The following EPSTI1 variants were observed in gnomAD, a reference collection of about 807,000 sequenced individuals.
EPSTI1 encodes the protein epithelial-stromal interaction protein 1.
EPSTI1 carries 66 observed loss-of-function variants against 49.9 expected under a neutral mutation model. The ratio of observed to expected loss-of-function variants is 1.32; its 90% confidence interval spans 1.08 to 1.62. The LOEUF is 1.62. Among genes scored for constraint, EPSTI1 ranks in the 40% most tolerant of loss-of-function variants. The pLI is 0.00. For missense variants in EPSTI1, 394 were observed against 365.5 expected, an observed-to-expected ratio of 1.08 and a Z score of -0.64; for synonymous variants, 137 against 130.7, an observed-to-expected ratio of 1.05 and a Z score of -0.33.
chr13:42,935,738 C>T (rs2153424189), intron 6 of EPSTI1, among the ~76,000 whole-genome samples: 1 of 152,152 alleles, frequency 6.6e-6, no homozygotes, highest in Non-Finnish European at 1.5e-5. Flanking sequence ...ATTACAGGCA[C>T]CTGCCATCAT....
At chr13:42,936,552 G>A (rs1343710548) in intron 6 of EPSTI1, among the ~76,000 whole-genome samples, 4 of 152,058 alleles carry the variant, frequency 2.6e-5, no homozygotes, top group South Asian at 2.1e-4. Context: ...TAATTTGCCC[G>A]ACTTCTCGGA....
chr13:42,888,556 C>A (rs1041843841), intron 10 of EPSTI1, 54 bp from the exon 11 acceptor site: 42 of 1,541,948 alleles, frequency 2.7e-5, no homozygotes, highest in Admixed American at 8.4e-5. Flanking sequence ...AAATTCAAAG[C>A]CTTTGTAGTC....
At chr13:42,909,776 G>A (rs1034606732) in intron 8 of EPSTI1, among the ~76,000 whole-genome samples, 1 of 152,136 alleles carries the variant, frequency 6.6e-6, no homozygotes, top group Non-Finnish European at 1.5e-5. Flanking sequence ...GGCTGGGGGG[G>A]TTAGGAGGAA....
chr13:42,944,104 A>T (rs2038847322), intron 6 of EPSTI1, among the ~76,000 whole-genome samples: 1 of 152,252 alleles, frequency 6.6e-6, no homozygotes, highest in African/African-American at 2.4e-5. Flanking sequence ...TGTGGAAGAC[A>T]GTGTGGCAAT....
intron 6 of EPSTI1, among the ~76,000 whole-genome samples, chr13:42,928,195 C>T (rs951199090): frequency 4.6e-5 from 7 of 152,208 alleles, no homozygotes; most frequent in African/African-American, 1.7e-4. Context: ...ATGCGGATTA[C>T]TGCCAAGTGA....
rs2038044978 is a variant in EPSTI1 at position 42,922,653 on chromosome 13, G to C, written c.657+3683C>G. On this transcript the variant is annotated intron_variant, in intron 7 of 10. Coordinates refer to ENST00000313624, the MANE Select transcript of EPSTI1 (RefSeq NM_033255.5). The surrounding 1 kb of genome is among the most constrained non-coding windows in gnomAD (Gnocchi z 4.8). ...TGGTAATTTGTTACAGCAGCAAAGG[G>C]AAGTGTTCAAATGTTGCGGTGGAAG... Among the ~76,000 whole-genome samples the C allele has an allele frequency of 6.6e-6, 1 of 152,198 alleles. No individual in the cohort carries two copies. Among genetic ancestry groups the C allele is most frequent in the African/African-American group, 2.4e-5 (1 of 41,452 alleles).
intron 1 of EPSTI1, among the ~76,000 whole-genome samples, chr13:42,977,920 G>C (rs1433119906): frequency 6.6e-6 from 1 of 152,192 alleles, no homozygotes; most frequent in East Asian, 1.9e-4. Context: ...GGAGGCCGTG[G>C]CAGGCAGATC....
intron 8 of EPSTI1, among the ~76,000 whole-genome samples, chr13:42,909,135 A>G (rs953767773): frequency 2.6e-5 from 4 of 152,160 alleles, no homozygotes; most frequent in African/African-American, 9.6e-5. Flanking sequence ...AGGCCTGTGT[A>G]GCTATTTCTT....
chr13:42,897,533 C>T (rs577048390), intron 9 of EPSTI1, among the ~76,000 whole-genome samples: 67 of 152,192 alleles, frequency 4.4e-4, no homozygotes, highest in Non-Finnish European at 8.5e-4. Flanking sequence ...TCCTGGCACA[C>T]GTTCTTCACC....
intron 6 of EPSTI1, among the ~76,000 whole-genome samples, chr13:42,935,988 T>A (rs2038549885): frequency 6.6e-6 from 1 of 152,188 alleles, no homozygotes; most frequent in Non-Finnish European, 1.5e-5. Flanking sequence ...AAGTCTTTCA[T>A]CTTCTCAACA....
At chr13:42,917,077 A>G (rs2037850002) in intron 8 of EPSTI1, among the ~76,000 whole-genome samples, 1 of 152,200 alleles carries the variant, frequency 6.6e-6, no homozygotes, top group African/African-American at 2.4e-5. Context: ...TTTTATACCC[A>G]TGTAGTGTAA....
intron 8 of EPSTI1, among the ~76,000 whole-genome samples, chr13:42,914,797 G>A (rs932490251): frequency 1.3e-5 from 2 of 152,158 alleles, no homozygotes; most frequent in African/African-American, 2.4e-5. Flanking sequence ...ATGACCTACT[G>A]TCACCAACTG....
intron 6 of EPSTI1, among the ~76,000 whole-genome samples, chr13:42,941,106 T>C (rs2038738079): frequency 6.6e-6 from 1 of 152,200 alleles, no homozygotes; most frequent in South Asian, 2.1e-4. Flanking sequence ...GCTTCTGAGA[T>C]TTGTATATTG....
chr13:42,904,212 A>G (rs2037436498), intron 8 of EPSTI1, among the ~76,000 whole-genome samples: 1 of 152,206 alleles, frequency 6.6e-6, no homozygotes, highest in Non-Finnish European at 1.5e-5. Flanking sequence ...TTAGGCTGAG[A>G]CTCAGGAAAT....
intron 1 of EPSTI1, 31 bp downstream of exon 1, chr13:42,991,947 C>T (rs148258555): frequency 1.9e-6 from 3 of 1,611,834 alleles, no homozygotes; most frequent in East Asian, 2.2e-5. Flanking sequence ...CCCGGGCTCC[C>T]GCCCCGAAGC....
chr13:42,983,304 G>C (rs2040018444), intron 1 of EPSTI1, among the ~76,000 whole-genome samples: 1 of 152,126 alleles, frequency 6.6e-6, no homozygotes, highest in African/African-American at 2.4e-5. Flanking sequence ...AGTGGCTCAT[G>C]CCTGTAATCT....
intron 1 of EPSTI1, among the ~76,000 whole-genome samples, chr13:42,984,913 T>C (rs2040051168): frequency 6.6e-6 from 1 of 152,292 alleles, no homozygotes; most frequent in Non-Finnish European, 1.5e-5. Flanking sequence ...ATAGACAGCA[T>C]GCCAACAACA....
At chr13:42,924,904 G>A (rs1248093501) in intron 7 of EPSTI1, among the ~76,000 whole-genome samples, 2 of 152,150 alleles carry the variant, frequency 1.3e-5, no homozygotes, top group Non-Finnish European at 2.9e-5. Flanking sequence ...TGAGAAAGGG[G>A]TAAGGGGAGA....
At chr13:42,912,356 C>G (rs1205536982) in intron 8 of EPSTI1, among the ~76,000 whole-genome samples, 4 of 152,136 alleles carry the variant, frequency 2.6e-5, no homozygotes, top group Admixed American at 2.0e-4. Flanking sequence ...ACATAGTAGG[C>G]AGCACTATCA....
Sources: gnomAD v4.1 joint callset for allele counts (sites outside exome capture counted in the v4.1 genomes callset) on GRCh38, gnomAD v4.1.1 for gene constraint, Gnocchi (gnomAD v3.1) non-coding constraint, MANE v1.5 for transcripts, NCBI Gene and HGNC (gene_info 2026-07-23, HGNC 2026-07-21) for gene names.